Variants in BICD1 observed in about 807,000 individuals in gnomAD.
The protein encoded by BICD1 is protein bicaudal D homolog 1.
A neutral mutation model predicts 92.5 loss-of-function variants in BICD1; 35 were observed. The observed-to-expected ratio is 0.38, with a 90% CI of 0.29 to 0.50. BICD1 has a LOEUF of 0.50. Ranked by LOEUF, BICD1 falls within the 20% of genes least tolerant of loss-of-function variation. The pLI, the probability that BICD1 is intolerant of heterozygous loss-of-function variation, is 0.93. For synonymous variants in BICD1, 429 were observed against 465.1 expected, an observed-to-expected ratio of 0.92 and a Z score of 1.00; for missense variants, 950 against 1,189.8, an observed-to-expected ratio of 0.80 and a Z score of 2.97.
chr12:32,243,028 G>A (rs1299188919), intron 2 of BICD1, among the ~76,000 whole-genome samples: 3 of 152,070 alleles, frequency 2.0e-5, no homozygotes, highest in Non-Finnish European at 4.4e-5. Flanking sequence ...TGCAGAGTTA[G>A]GGCTGGGTGA....
chr12:32,155,465 T>C (rs969433285), intron 1 of BICD1, among the ~76,000 whole-genome samples: 8 of 152,252 alleles, frequency 5.3e-5, no homozygotes, highest in African/African-American at 1.9e-4. Context: ...CAGGCACTCA[T>C]CTTTTAGGTT....
intron 8 of BICD1, among the ~76,000 whole-genome samples, chr12:32,362,741 C>T (rs1939377973): frequency 6.6e-6 from 1 of 152,164 alleles, no homozygotes; most frequent in Non-Finnish European, 1.5e-5. Flanking sequence ...CACTTCCTAA[C>T]TGTGTGACCT....
chr12:32,375,962 G>A lies in BICD1; in HGVS notation c.2841-1578G>A, dbSNP rs1475202604. On this transcript the variant is annotated intron_variant, in intron 9 of 9. Coordinates refer to ENST00000652176, the MANE Select transcript of BICD1 (RefSeq NM_001714.4). The stretch of plus-strand genomic sequence containing the variant: ...ATTGTTCTCTCAAACATCACTTCTG[G>A]TAGAAATGAATTATATAGTACTGAC... Among the ~76,000 whole-genome samples the A allele has an allele frequency of 2.0e-5, 3 of 151,950 alleles. 1 individual carries two copies. The South Asian group carries it at 6.2e-4, about 32-fold the overall frequency.
chr12:32,296,797 C>G (rs987979205), intron 3 of BICD1, among the ~76,000 whole-genome samples: 2 of 152,146 alleles, frequency 1.3e-5, no homozygotes, highest in African/African-American at 4.8e-5. Flanking sequence ...ATTAGATATT[C>G]TTGAAAGACT....
chr12:32,374,533 T>C (rs2136342219), intron 9 of BICD1, among the ~76,000 whole-genome samples: 1 of 151,216 alleles, frequency 6.6e-6, no homozygotes, highest in South Asian at 2.1e-4. Context: ...TTGCCATACA[T>C]TATTTTCTGT....
intron 2 of BICD1, among the ~76,000 whole-genome samples, chr12:32,287,886 G>A (rs1166758776): frequency 6.6e-6 from 1 of 152,188 alleles, no homozygotes; most frequent in Non-Finnish European, 1.5e-5. Context: ...TGTGGTTGCA[G>A]TCATCTGACA....
rs10844146 is a variant in BICD1 at position 32,170,398 on chromosome 12, C to T, written c.214-45849C>T. Among the ~76,000 whole-genome samples, 5 of 152,092 alleles carry T rather than the reference C, an allele frequency of 3.3e-5. No homozygotes were observed. The South Asian group carries it at 1.0e-3, about 32-fold the overall frequency. ...CAATAAATAAAATATGTCTGAGCCA[C>T]TTATGAACAAAACCTTCTTGGGCCA... On this transcript the variant is annotated intron_variant, in intron 1 of 9. Transcript: ENST00000652176.
At chr12:32,198,739 C>A (rs757522510) in intron 1 of BICD1, among the ~76,000 whole-genome samples, 2 of 152,074 alleles carry the variant, frequency 1.3e-5, no homozygotes, top group Non-Finnish European at 2.9e-5. Flanking sequence ...CATCCTCAAC[C>A]TGAAGCTCCT....
intron 2 of BICD1, among the ~76,000 whole-genome samples, chr12:32,263,181 A>T (rs761614233): frequency 1.3e-5 from 2 of 151,958 alleles, no homozygotes; most frequent in Non-Finnish European, 2.9e-5. Flanking sequence ...TTATAACAGC[A>T]GCCCTAGGAA....
chr12:32,347,064 G>A (rs898791250), intron 8 of BICD1, among the ~76,000 whole-genome samples: 1 of 149,934 alleles, frequency 6.7e-6, no homozygotes, highest in Non-Finnish European at 1.5e-5. Flanking sequence ...CGATTCTCCT[G>A]CCTCAGCCTC....
Position 32,181,217 on chromosome 12 carries a change from C to T in BICD1, c.214-35030C>T, listed in dbSNP as rs567741741. On this transcript the variant is annotated intron_variant, in intron 1 of 9. Transcript: ENST00000652176. ...GGTGGATCACTTGAGGTCAGGAGTTCGAGACCAGCCTGCCCAACGTGGTGA... is the reference window on the plus strand; with the variant it reads ...GGTGGATCACTTGAGGTCAGGAGTTTGAGACCAGCCTGCCCAACGTGGTGA... 2.0e-3 allele frequency among the ~76,000 whole-genome samples: 308 copies of T among 151,714 alleles called. 1 individual carries two copies. The highest frequency in any genetic ancestry group is 7.0e-3 in the African/African-American group (291 of 41,452).
chr12:32,358,158 G>C (rs939159330), intron 8 of BICD1, among the ~76,000 whole-genome samples: 2 of 152,100 alleles, frequency 1.3e-5, no homozygotes, highest in African/African-American at 4.8e-5. Context: ...CTGGAGTGCA[G>C]TGGTGTGATC....
At chr12:32,322,037 T>G (rs989104291) in intron 4 of BICD1, among the ~76,000 whole-genome samples, 5 of 152,088 alleles carry the variant, frequency 3.3e-5, no homozygotes, top group Non-Finnish European at 7.4e-5. Flanking sequence ...TAAAACAGTT[T>G]AAGCATCTGC....
intron 2 of BICD1, among the ~76,000 whole-genome samples, chr12:32,231,612 A>G (rs1161426600): frequency 1.3e-5 from 2 of 151,524 alleles, no homozygotes; most frequent in African/African-American, 4.9e-5. Flanking sequence ...ATTATACTTT[A>G]AGTTTTAGGG....
chr12:32,350,261 T>C lies in BICD1; in HGVS notation c.2764+11282T>C, dbSNP rs189044037. On this transcript the variant is annotated intron_variant, in intron 8 of 9. Transcript: ENST00000652176. The stretch of plus-strand genomic sequence containing the variant: ...ACTTTGGGAGGCCGAGGTGGGTGGA[T>C]CACTTGAGCCCAGGAGTTCAAGACC... Among the ~76,000 whole-genome samples, 36 of 152,200 alleles carry C rather than the reference T, an allele frequency of 2.4e-4. 1 individual carries two copies. The South Asian group carries it at 7.3e-3, about 31-fold the overall frequency.
intron 1 of BICD1, among the ~76,000 whole-genome samples, chr12:32,201,070 A>G (rs1286175349): frequency 1.3e-5 from 2 of 152,146 alleles, no homozygotes; most frequent in African/African-American, 4.8e-5. Context: ...ATCGTCCCTC[A>G]TTACTTCCAT....
At chr12:32,169,444 AT>A (rs995881566) in intron 1 of BICD1, among the ~76,000 whole-genome samples, 11 of 149,892 alleles carry the variant, frequency 7.3e-5, no homozygotes, top group South Asian at 4.2e-4. Context: ...TTTTCCATTA[AT>A]TTTTTTTTTC....
intron 1 of BICD1, among the ~76,000 whole-genome samples, chr12:32,190,238 A>G (rs947377001): frequency 2.0e-5 from 3 of 152,172 alleles, no homozygotes; most frequent in Non-Finnish European, 4.4e-5. Flanking sequence ...TAAGCCCTTA[A>G]CTCTCAATAA....
intron 2 of BICD1, among the ~76,000 whole-genome samples, chr12:32,246,149 A>G (rs1037202708): frequency 6.6e-6 from 1 of 151,546 alleles, no homozygotes; most frequent in Non-Finnish European, 1.5e-5. Context: ...ACATCTGGAA[A>G]GAAAAAGCAT....
Sources: gnomAD v4.1 joint callset for allele counts (sites outside exome capture counted in the v4.1 genomes callset) on GRCh38, gnomAD v4.1.1 for gene constraint, MANE v1.5 for transcripts, NCBI Gene and HGNC (gene_info 2026-07-23, HGNC 2026-07-21) for gene names.